SDC3: variants seen among roughly 807,000 people sequenced by gnomAD.
SDC3 encodes syndecan-3.
In SDC3, 13 loss-of-function variants were observed where a neutral mutation model predicts 24.4. The ratio of observed to expected loss-of-function variants is 0.53; its 90% CI spans 0.35 to 0.85. The LOEUF (loss-of-function observed/expected upper bound fraction) is 0.85. Among genes scored for constraint, SDC3 ranks in the 40% least tolerant of loss-of-function variants. The pLI is 0.01. For synonymous variants in SDC3, 295 were observed against 260.9 expected (o/e 1.13, Z -1.26); for missense variants, 571 against 584.5 (o/e 0.98, Z 0.24).
intron 1 of SDC3, among the ~76,000 whole-genome samples, chr1:30,900,662 G>A (rs1399755248): frequency 2.0e-5 from 3 of 152,152 alleles, no homozygotes; most frequent in African/African-American, 7.2e-5. Context: ...CCCAGCCCAG[G>A]GAGGGGGACA....
At chr1:30,889,474 C>T (rs189277065) in intron 1 of SDC3, among the ~76,000 whole-genome samples, 4 of 152,330 alleles carry the variant, frequency 2.6e-5, no homozygotes, top group Admixed American at 1.3e-4. Flanking sequence ...CCCAGATCCT[C>T]TCCTTGATGC....
chr1:30,895,761 C>A (rs1639990037), intron 1 of SDC3, among the ~76,000 whole-genome samples: 1 of 151,766 alleles, frequency 6.6e-6, no homozygotes, highest in African/African-American at 2.4e-5. Flanking sequence ...CCTGGTGGGT[C>A]ACAGCCAGGG....
chr1:30,872,269 T>A lies in SDC3; in HGVS notation c.*942A>T, dbSNP rs1038903559. ...TGCCAGAGTGTGGGTGTATTTGGGG[T>A]AGGAGGAGGCCACACTGTCACTGTC... On this transcript the variant is annotated 3_prime_UTR_variant, in exon 5 of 5. Transcript: ENST00000339394. 2 of 151,992 alleles carry A rather than the reference T, an allele frequency of 1.3e-5. No individual in the cohort carries two copies. Among genetic ancestry groups the A allele is most frequent in the African/African-American group, 2.4e-5 (1 of 41,328 alleles). The allele number at this position is 151,992 out of a possible 1,614,324, so 9.4% of individuals were successfully genotyped here.
At chr1:30,874,154 T>C (rs1639589156) in intron 4 of SDC3, 143 bp downstream of exon 4, 1 of 655,648 alleles carries the variant, frequency 1.5e-6, no homozygotes, top group Admixed American at 2.9e-5. Context: ...GGGGGTTGAG[T>C]TCTCAAGTTT....
In SDC3 at chr1:30,908,514, G is replaced by A; in HGVS notation, c.73C>T (p.Pro25Ser). ...GGCAGGAGCAGCCCGCGGGCCCCGG[G>A]CCCGGCCGCGGCCCCGGCCCCGGCG... ...AGAGAGAAAG[P>S]GARGLLLPPL... The change falls in exon 1 of 5, where the codon CCC becomes TCC. Residue 25 changes from proline to serine, a missense_variant. Transcript: ENST00000339394. 3.1e-6 allele frequency: 3 copies of A among 976,930 alleles called. No individual in the cohort carries two copies. Among genetic ancestry groups the A allele is most frequent in the Non-Finnish European group, 3.6e-6 (3 of 825,984 alleles). The allele number at this position is 976,930 out of a possible 1,614,324, so 60.5% of individuals were successfully genotyped here.
chr1:30,869,747 G>C lies in SDC3; in HGVS notation c.*3464C>G. ...GGGAGAGAAGGGGCAGGGAAGGCCT[G>C]GGGGAGGGAATGGCAGACCCCCACC... On this transcript the variant is annotated 3_prime_UTR_variant, in exon 5 of 5. Transcript: ENST00000339394. 2 of 398,730 alleles carry C rather than the reference G, an allele frequency of 5.0e-6. No homozygotes were observed. The highest frequency in any genetic ancestry group is 8.8e-6 in the Non-Finnish European group (2 of 226,206). The allele number at this position is 398,730 out of a possible 1,614,324, so 24.7% of individuals were successfully genotyped here. A position where few individuals can be genotyped will look rare whatever the true frequency, so the allele number is the denominator to read the frequency against.
intron 1 of SDC3, 41 bp from the exon 2 acceptor site, chr1:30,878,781 A>G (rs1343528828): frequency 2.6e-6 from 4 of 1,565,818 alleles, no homozygotes; most frequent in East Asian, 4.5e-5. Flanking sequence ...GGCACCCGAG[A>G]CTGGCAGCCT....
In SDC3 at chr1:30,870,306, G is replaced by A. The variant is rs1028792194; in HGVS notation, c.*2905C>T. On this transcript the variant is annotated 3_prime_UTR_variant, in exon 5 of 5. Coordinates refer to ENST00000339394, the MANE Select transcript of SDC3 (RefSeq NM_014654.4). The stretch of plus-strand genomic sequence containing the variant: ...CTGGCCTCCTGGCCTCCTGGAGACA[G>A]GGTCTGGGCTCTCCAGGTCCTGGCC... The A allele has an allele frequency of 1.2e-5, 2 of 169,572 alleles. No homozygotes were observed. The highest frequency in any genetic ancestry group is 2.4e-5 in the African/African-American group (1 of 42,208). The allele number at this position is 169,572 out of a possible 1,614,324, so 10.5% of individuals were successfully genotyped here. A position where few individuals can be genotyped will look rare whatever the true frequency, so the allele number is the denominator to read the frequency against.
chr1:30,882,920 C>T (rs1224292915), intron 1 of SDC3, among the ~76,000 whole-genome samples: 7 of 152,304 alleles, frequency 4.6e-5, no homozygotes, highest in East Asian at 1.9e-4. Context: ...GAGAAGACTA[C>T]GCAGCTCATA....
chr1:30,905,145 T>C (rs978863644), intron 1 of SDC3, among the ~76,000 whole-genome samples: 2 of 152,062 alleles, frequency 1.3e-5, no homozygotes, highest in African/African-American at 4.8e-5. Context: ...ACTTTCCATT[T>C]TTTTGGTGAG....
chr1:30,908,394 G>A (rs1003173110), intron 1 of SDC3, 55 bp downstream of exon 1: 3 of 987,562 alleles, frequency 3.0e-6, no homozygotes, highest in African/African-American at 3.6e-5. Context: ...CCGGCACCCC[G>A]CGCGGGGGGC....
intron 1 of SDC3, among the ~76,000 whole-genome samples, chr1:30,896,865 A>G (rs1427393489): frequency 6.6e-6 from 1 of 152,174 alleles, no homozygotes; most frequent in African/African-American, 2.4e-5. Flanking sequence ...CAGGAGGCTG[A>G]GCCAGGAGAA....
chr1:30,876,022 G>T (rs140583862), intron 3 of SDC3, among the ~76,000 whole-genome samples: 1 of 152,182 alleles, frequency 6.6e-6, no homozygotes, highest in Non-Finnish European at 1.5e-5. Context: ...AATAACAACC[G>T]TGATGACGAC....
At chr1:30,903,856 GCT>G (rs1222349692) in intron 1 of SDC3, among the ~76,000 whole-genome samples, 1 of 152,134 alleles carries the variant, frequency 6.6e-6, no homozygotes, top group Non-Finnish European at 1.5e-5. Context: ...GCTCATACTA[GCT>G]CTGCCACTTC....
chr1:30,897,793 T>C (rs1638302041), intron 1 of SDC3, among the ~76,000 whole-genome samples: 1 of 152,350 alleles, frequency 6.6e-6, no homozygotes, highest in Middle Eastern at 3.4e-3. Flanking sequence ...CTTGATTTCC[T>C]CTTTTGTAAA....
intron 1 of SDC3, among the ~76,000 whole-genome samples, chr1:30,900,943 C>T (rs1483381758): frequency 1.3e-5 from 2 of 152,156 alleles, no homozygotes; most frequent in Admixed American, 1.3e-4. Context: ...CATGGCCCAT[C>T]CAAAAGCAGG....
chr1:30,893,893 A>G (rs1017371127), intron 1 of SDC3, among the ~76,000 whole-genome samples: 2 of 152,060 alleles, frequency 1.3e-5, no homozygotes, highest in Non-Finnish European at 2.9e-5. Flanking sequence ...AAGGAATCCA[A>G]GGTTGGTTTT....
At position 30,872,289 on chromosome 1, in the gene SDC3, A is replaced by G. The variant is rs572200702; in HGVS notation, c.*922T>C. 3.3e-5 allele frequency: 5 copies of G among 152,444 alleles called. No homozygotes were observed. The East Asian group carries it at 9.6e-4, about 29-fold the overall frequency. 9.4% of individuals were successfully genotyped at this position (152,444 alleles called of 1,614,324 possible). A position where few individuals can be genotyped will look rare whatever the true frequency, so the allele number is the denominator to read the frequency against. ...TGGGGTAGGAGGAGGCCACACTGTC[A>G]CTGTCATGTGACCATGACTAGTGAC... On this transcript the variant is annotated 3_prime_UTR_variant, in exon 5 of 5. Transcript: ENST00000339394.
Position 30,875,364 on chromosome 1 carries a change from C to A in SDC3, c.871-776G>T, listed in dbSNP as rs893288756. Reference sequence around the variant, plus strand: ...TGCACCTTCTCCTGGGCTCCGTGCCCCATCACTGTTTCCCCTTCCTGCTTG... The same window carrying A: ...TGCACCTTCTCCTGGGCTCCGTGCCACATCACTGTTTCCCCTTCCTGCTTG... On this transcript the variant is annotated intron_variant, in intron 3 of 4. Coordinates refer to ENST00000339394, the MANE Select transcript of SDC3 (RefSeq NM_014654.4). Among the ~76,000 whole-genome samples, 5 of 152,314 alleles carry A rather than the reference C, an allele frequency of 3.3e-5. No homozygotes were observed. In the East Asian group the frequency reaches 5.8e-4, roughly 18 times the overall value.
Sources: gnomAD v4.1 joint callset for allele counts (sites outside exome capture counted in the v4.1 genomes callset) on GRCh38, gnomAD v4.1.1 for gene constraint, MANE v1.5 for transcripts, NCBI Gene and HGNC (gene_info 2026-07-23, HGNC 2026-07-21) for gene names.